BTBD9: variants seen among roughly 807,000 people sequenced by gnomAD.
The protein encoded by BTBD9 is BTB domain containing 9.
A neutral mutation model predicts 64.3 loss-of-function variants in BTBD9; 49 were observed. The ratio of observed to expected loss-of-function variants is 0.76; its 90% CI spans 0.61 to 0.97. The LOEUF is 0.97. BTBD9 is among the 50% of genes least tolerant of loss of function. BTBD9 has a pLI of 0.00. For missense variants in BTBD9, 598 were observed against 762.1 expected (o/e 0.78, Z 2.53); for synonymous variants, 260 against 274.7 (o/e 0.95, Z 0.53).
At chr6:38,527,791 T>C (rs531293512) in intron 6 of BTBD9, among the ~76,000 whole-genome samples, 162 of 135,604 alleles carry the variant, frequency 1.2e-3, no homozygotes, top group Non-Finnish European at 1.8e-3. Flanking sequence ...AAAGACTCTA[T>C]CACCATGATT....
intron 1 of BTBD9, among the ~76,000 whole-genome samples, chr6:38,639,381 C>T (rs1032381977): frequency 1.3e-5 from 2 of 152,150 alleles, no homozygotes; most frequent in African/African-American, 2.4e-5. Flanking sequence ...CTGGCCAGGG[C>T]AGGGGAGATG....
intron 6 of BTBD9, among the ~76,000 whole-genome samples, chr6:38,548,184 A>C (rs1289474611): frequency 6.6e-6 from 1 of 152,230 alleles, no homozygotes; most frequent in Non-Finnish European, 1.5e-5. Flanking sequence ...AAAAACATTT[A>C]TATGTTATAT....
intron 10 of BTBD9, among the ~76,000 whole-genome samples, chr6:38,177,428 C>T (rs931624839): frequency 2.0e-5 from 3 of 152,212 alleles, no homozygotes; most frequent in Non-Finnish European, 4.4e-5. Context: ...CTGTCAGCTC[C>T]GATCTGACTC....
chr6:38,351,881 C>T (rs1248608255), intron 6 of BTBD9, among the ~76,000 whole-genome samples: 1 of 151,984 alleles, frequency 6.6e-6, no homozygotes, highest in Non-Finnish European at 1.5e-5. Flanking sequence ...CTAAAACCTG[C>T]CATGATGTGC....
At chr6:38,329,934 C>G (rs1480239254) in intron 7 of BTBD9, among the ~76,000 whole-genome samples, 1 of 152,016 alleles carries the variant, frequency 6.6e-6, no homozygotes, top group Non-Finnish European at 1.5e-5. Context: ...GCCTGGGCAA[C>G]AAGAGCAAAA....
At chr6:38,521,738 G>A (rs575402681) in intron 6 of BTBD9, among the ~76,000 whole-genome samples, 4 of 151,908 alleles carry the variant, frequency 2.6e-5, no homozygotes, top group Non-Finnish European at 5.9e-5. Flanking sequence ...GCAATGGCAC[G>A]ATCTTGGCTC....
chr6:38,528,139 G>C (rs1294414969), intron 6 of BTBD9, among the ~76,000 whole-genome samples: 1 of 152,102 alleles, frequency 6.6e-6, no homozygotes, highest in African/African-American at 2.4e-5. Flanking sequence ...GTGACTGTGG[G>C]ACTTTGCATT....
At position 38,609,602 on chromosome 6, in the gene BTBD9, T is replaced by C. The variant is rs187629760; in HGVS notation, c.-27-11481A>G. Among the ~76,000 whole-genome samples, 268 of 152,292 alleles carry C rather than the reference T, an allele frequency of 1.8e-3. 1 individual carries two copies. Among genetic ancestry groups the C allele is most frequent in the Non-Finnish European group, 3.1e-3 (208 of 68,018 alleles). ...CACAGAATATATTTTTTCCTTCTGT[T>C]TTAGAACAAAAACTCTAAAGGGTAG... is the stretch of plus-strand genomic sequence containing the variant. On this transcript the variant is annotated intron_variant, in intron 1 of 10. Transcript: ENST00000481247.
At chr6:38,267,361 G>A (rs1311432923) in intron 8 of BTBD9, among the ~76,000 whole-genome samples, 1 of 152,236 alleles carries the variant, frequency 6.6e-6, no homozygotes, top group Non-Finnish European at 1.5e-5. Flanking sequence ...CTAATCTACA[G>A]CTGAGTGTTA....
chr6:38,179,583 C>A (rs563081534), intron 10 of BTBD9: 9 of 456,746 alleles, frequency 2.0e-5, no homozygotes, highest in African/African-American at 6.0e-5. Flanking sequence ...CAGCGCAGCT[C>A]CTGCCCTCAG....
intron 7 of BTBD9, among the ~76,000 whole-genome samples, chr6:38,291,549 G>A (rs1460733580): frequency 6.6e-6 from 1 of 152,168 alleles, no homozygotes; most frequent in South Asian, 2.1e-4. Flanking sequence ...GGAGTGGTGA[G>A]AGGGCATCCT....
intron 10 of BTBD9, among the ~76,000 whole-genome samples, chr6:38,178,297 T>G (rs1581999128): frequency 1.3e-5 from 2 of 150,794 alleles, no homozygotes; most frequent in Non-Finnish European, 1.5e-5. Flanking sequence ...AAGCTACAGG[T>G]GACAGGTGGG....
At chr6:38,478,606 CA>C (rs2127377596) in intron 6 of BTBD9, among the ~76,000 whole-genome samples, 1 of 152,238 alleles carries the variant, frequency 6.6e-6, no homozygotes, top group Non-Finnish European at 1.5e-5. Flanking sequence ...CATGGGCAGA[CA>C]AAACAGAAAA....
At chr6:38,306,434 C>G (rs955813280) in intron 7 of BTBD9, among the ~76,000 whole-genome samples, 9 of 152,240 alleles carry the variant, frequency 5.9e-5, no homozygotes, top group Non-Finnish European at 8.8e-5. Flanking sequence ...ACTTTTCCCC[C>G]TCTGTGCACA....
intron 6 of BTBD9, among the ~76,000 whole-genome samples, chr6:38,556,548 T>A (rs934138230): frequency 1.4e-5 from 1 of 72,008 alleles, no homozygotes; most frequent in Admixed American, 1.3e-4. Context: ...TGTGTGTGTG[T>A]GTGAGAGAGA....
chr6:38,485,554 C>A lies in BTBD9; in HGVS notation c.1154+92046G>T, dbSNP rs144688910. Among the ~76,000 whole-genome samples the A allele has an allele frequency of 2.4e-3, 360 of 152,258 alleles. 2 individuals carry two copies. Among genetic ancestry groups the A allele is most frequent in the African/African-American group, 8.4e-3 (348 of 41,528 alleles). On this transcript the variant is annotated intron_variant, in intron 6 of 10. Coordinates refer to ENST00000481247, the MANE Select transcript of BTBD9 (RefSeq NM_001099272.2). ...CAGCTCCATCATAGCTCGTGGGTGA[C>A]CAGGTACATGGTCAATGAGCAGGAA...
intron 6 of BTBD9, among the ~76,000 whole-genome samples, chr6:38,503,555 T>C (rs1293002595): frequency 1.3e-5 from 2 of 152,052 alleles, no homozygotes; most frequent in Non-Finnish European, 2.9e-5. Flanking sequence ...CAGCTGTCCT[T>C]GTTCCCCCCT....
At chr6:38,504,452 G>T in intron 6 of BTBD9, 1 of 417,298 alleles carries the variant, frequency 2.4e-6, no homozygotes, top group Non-Finnish European at 4.8e-6. Flanking sequence ...CCCTATGAAA[G>T]TCCAATCCCT....
intron 6 of BTBD9, among the ~76,000 whole-genome samples, chr6:38,476,114 C>T (rs969294001): frequency 6.6e-6 from 1 of 152,140 alleles, no homozygotes; most frequent in East Asian, 1.9e-4. Context: ...ATAATTTAAC[C>T]GTTAAATATC....
Sources: allele counts gnomAD v4.1 joint callset (sites outside exome capture counted in the v4.1 genomes callset), GRCh38; gene constraint gnomAD v4.1.1; transcripts MANE v1.5; gene names NCBI Gene and HGNC (gene_info 2026-07-23, HGNC 2026-07-21).